The following CHCHD6 variants were observed in gnomAD, a reference collection of about 807,000 sequenced individuals.
CHCHD6 encodes MICOS complex subunit MIC25.
CHCHD6 carries 28 observed loss-of-function variants against 32.3 expected under a neutral mutation model. The ratio of observed to expected loss-of-function variants is 0.87; its 90% CI spans 0.64 to 1.19. The LOEUF (loss-of-function observed/expected upper bound fraction) is 1.19, where lower values mean the gene tolerates loss of function less well. CHCHD6 is among the 50% of genes most tolerant of loss of function. CHCHD6 has a pLI of 0.00. For synonymous variants in CHCHD6, 122 were observed against 117.5 expected (o/e 1.04, Z -0.25); for missense variants, 333 against 307.0 (o/e 1.08, Z -0.63).
intron 6 of CHCHD6, among the ~76,000 whole-genome samples, chr3:126,952,091 C>T (rs539508196): frequency 9.9e-5 from 15 of 152,280 alleles, no homozygotes; most frequent in African/African-American, 3.6e-4. Context: ...TTTGAACTGC[C>T]TTGGTGTTTT....
At chr3:126,932,051 G>A (rs868820001) in intron 6 of CHCHD6, among the ~76,000 whole-genome samples, 4 of 152,218 alleles carry the variant, frequency 2.6e-5, no homozygotes, top group South Asian at 2.1e-4. Context: ...GCAGGCACCC[G>A]AAGTTCAGAA....
At chr3:126,777,616 A>G (rs536475393) in intron 4 of CHCHD6, among the ~76,000 whole-genome samples, 16 of 152,188 alleles carry the variant, frequency 1.1e-4, no homozygotes, top group African/African-American at 3.6e-4. Flanking sequence ...CCCACTCCAT[A>G]CTTCCCACTC....
chr3:126,806,510 A>G (rs1477472620), intron 4 of CHCHD6, among the ~76,000 whole-genome samples: 2 of 152,220 alleles, frequency 1.3e-5, no homozygotes, highest in African/African-American at 4.8e-5. Context: ...ACCATCTCAT[A>G]CCAGTTAGAA....
intron 4 of CHCHD6, among the ~76,000 whole-genome samples, chr3:126,782,932 C>T (rs1165710924): frequency 3.3e-5 from 5 of 152,132 alleles, no homozygotes; most frequent in Admixed American, 6.5e-5. Flanking sequence ...GGTAGGGGTT[C>T]AGTATCAATC....
chr3:126,823,820 G>A (rs1326641192), intron 4 of CHCHD6, among the ~76,000 whole-genome samples: 1 of 152,162 alleles, frequency 6.6e-6, no homozygotes, highest in Non-Finnish European at 1.5e-5. Flanking sequence ...GCCGAGGCAG[G>A]AGGATTGCTT....
chr3:126,883,191 C>G (rs1314774906), intron 5 of CHCHD6, among the ~76,000 whole-genome samples: 3 of 152,212 alleles, frequency 2.0e-5, no homozygotes, highest in Non-Finnish European at 4.4e-5. Flanking sequence ...TACCTCCCTA[C>G]AGGCCTCTTC....
intron 1 of CHCHD6, among the ~76,000 whole-genome samples, chr3:126,712,703 C>T (rs1171638070): frequency 1.3e-5 from 2 of 152,186 alleles, no homozygotes; most frequent in African/African-American, 2.4e-5. Flanking sequence ...CGTTTCTGAG[C>T]CTGCTATCCC....
chr3:126,933,924 C>G (rs1474643079), intron 6 of CHCHD6, among the ~76,000 whole-genome samples: 1 of 152,236 alleles, frequency 6.6e-6, no homozygotes, highest in Non-Finnish European at 1.5e-5. Flanking sequence ...CATACTGTCT[C>G]TCTCACACAT....
At chr3:126,821,344 T>A (rs1021728710) in intron 4 of CHCHD6, among the ~76,000 whole-genome samples, 3 of 152,230 alleles carry the variant, frequency 2.0e-5, no homozygotes, top group African/African-American at 7.2e-5. Context: ...ATGATAATGC[T>A]GGAGTGCAGT....
chr3:126,847,784 C>T (rs1941340327), intron 4 of CHCHD6, among the ~76,000 whole-genome samples: 1 of 152,052 alleles, frequency 6.6e-6, no homozygotes, highest in Admixed American at 6.6e-5. Context: ...TCACCCCTAC[C>T]AGTGTCTTTC....
intron 4 of CHCHD6, among the ~76,000 whole-genome samples, chr3:126,823,921 C>A (rs959553458): frequency 1.3e-5 from 2 of 149,354 alleles, no homozygotes; most frequent in South Asian, 4.2e-4. Context: ...ACACACACAC[C>A]CACATTATCT....
At chr3:126,806,081 C>A (rs1161460223) in intron 4 of CHCHD6, among the ~76,000 whole-genome samples, 1 of 152,152 alleles carries the variant, frequency 6.6e-6, no homozygotes, top group African/African-American at 2.4e-5. Context: ...AATATTAGAC[C>A]TAAAACCATA....
chr3:126,849,661 C>T (rs1941405310), intron 4 of CHCHD6, among the ~76,000 whole-genome samples: 1 of 152,216 alleles, frequency 6.6e-6, no homozygotes, highest in African/African-American at 2.4e-5. Flanking sequence ...GGGAAAATAG[C>T]AACCCGCTAA....
chr3:126,882,279 C>T lies in CHCHD6; in HGVS notation c.495+29549C>T, dbSNP rs137929429. ...CTGGACCTCCCTCTCCGCCTTGCCT[C>T]ATCGTCTCTAACCTCTCTGAGCCTC... On this transcript the variant is annotated intron_variant, in intron 5 of 7. Coordinates refer to ENST00000290913, the MANE Select transcript of CHCHD6 (RefSeq NM_032343.3). 2.3e-3 allele frequency among the ~76,000 whole-genome samples: 343 copies of T among 152,346 alleles called. 1 individual carries two copies. Among genetic ancestry groups the T allele is most frequent in the Middle Eastern group, 6.8e-3 (2 of 294 alleles).
chr3:126,852,289 C>A (rs1362046175), intron 4 of CHCHD6, among the ~76,000 whole-genome samples: 1 of 152,162 alleles, frequency 6.6e-6, no homozygotes, highest in Non-Finnish European at 1.5e-5. Flanking sequence ...ACTACTTAGG[C>A]CCCCTGTTGT....
At chr3:126,712,600 T>G (rs1284493899) in intron 1 of CHCHD6, among the ~76,000 whole-genome samples, 1 of 152,164 alleles carries the variant, frequency 6.6e-6, no homozygotes, top group Non-Finnish European at 1.5e-5. Flanking sequence ...TTTCCCTCTA[T>G]TGGAAGGGGT....
At chr3:126,845,266 G>A (rs1941253851) in intron 4 of CHCHD6, among the ~76,000 whole-genome samples, 1 of 152,132 alleles carries the variant, frequency 6.6e-6, no homozygotes, top group Admixed American at 6.5e-5. Flanking sequence ...GTTTGTTTTT[G>A]GTGGGGGAGA....
At chr3:126,933,562 C>T (rs538461881) in intron 6 of CHCHD6, among the ~76,000 whole-genome samples, 88 of 152,250 alleles carry the variant, frequency 5.8e-4, no homozygotes, top group African/African-American at 1.9e-3. Context: ...GCCGGTGTGT[C>T]ACCTGGCAAA....
chr3:126,918,154 T>A (rs1027789835), intron 6 of CHCHD6, among the ~76,000 whole-genome samples: 4 of 152,360 alleles, frequency 2.6e-5, no homozygotes, highest in Non-Finnish European at 5.9e-5. Flanking sequence ...TAGAAATTAC[T>A]TAAACATCTA....
Sources: gnomAD v4.1 joint callset for allele counts (sites outside exome capture counted in the v4.1 genomes callset) on GRCh38, gnomAD v4.1.1 for gene constraint, MANE v1.5 for transcripts, NCBI Gene and HGNC (gene_info 2026-07-23, HGNC 2026-07-21) for gene names.